Variants in P2RY14 observed in about 807,000 individuals in gnomAD.
P2RY14 encodes the protein purinergic receptor P2Y14, also known as P2Y purinoceptor 14.
In P2RY14, 2 loss-of-function variants were observed where a neutral mutation model predicts 0.9. The ratio of observed to expected loss-of-function variants is 2.16; its 90% CI spans 0.88 to 6.79. P2RY14 has a LOEUF of 6.79. Ranked by LOEUF, P2RY14 falls within the 30% of genes most tolerant of loss-of-function variation. The probability of loss-of-function intolerance (pLI) is 0.05; values close to 1 mark genes in which losing one functional copy is unlikely to be tolerated. For missense variants in P2RY14, 378 were observed against 400.1 expected, an observed-to-expected ratio of 0.94 and a Z score of 0.47; for synonymous variants, 158 against 147.2, an observed-to-expected ratio of 1.07 and a Z score of -0.53.
chr3:151,242,139 G>A (rs937205303), intron 1 of P2RY14, among the ~76,000 whole-genome samples: 4 of 152,250 alleles, frequency 2.6e-5, no homozygotes, highest in Admixed American at 6.5e-5. Flanking sequence ...ATGGAGTCTC[G>A]CTGATTGCTA....
At chr3:151,240,159 T>G (rs1044853402) in intron 1 of P2RY14, among the ~76,000 whole-genome samples, 2 of 152,076 alleles carry the variant, frequency 1.3e-5, no homozygotes, top group African/African-American at 4.8e-5. Flanking sequence ...GTGGCCCCGT[T>G]TTTTAGAGTG....
rs574439787 is a variant in P2RY14 at position 151,247,210 on chromosome 3, C to T, written c.-132-27568G>A. ...CATTGTGGAAGTCAGTGTGGCGATT[C>T]CTCAGGGATCTAGAACTGGAAATAC... is the stretch of plus-strand genomic sequence containing the variant. On this transcript the variant is annotated intron_variant, in intron 1 of 2. Transcript: ENST00000309170. Among the ~76,000 whole-genome samples the T allele has an allele frequency of 3.0e-4, 46 of 152,158 alleles. No homozygotes were observed. In the South Asian group the frequency reaches 6.0e-3, roughly 20 times the overall value.
At chr3:151,227,137 G>A (rs1041603055) in intron 1 of P2RY14, among the ~76,000 whole-genome samples, 1 of 152,242 alleles carries the variant, frequency 6.6e-6, no homozygotes, top group Non-Finnish European at 1.5e-5. Context: ...CCAGGTCAGT[G>A]ACCAACATGT....
At chr3:151,236,677 T>C (rs1316519660) in intron 1 of P2RY14, among the ~76,000 whole-genome samples, 1 of 152,232 alleles carries the variant, frequency 6.6e-6, no homozygotes, top group Non-Finnish European at 1.5e-5. Context: ...TTCCTAAAAG[T>C]GTGTGTGAAT....
intron 1 of P2RY14, among the ~76,000 whole-genome samples, chr3:151,258,471 T>C (rs1738243270): frequency 6.6e-6 from 1 of 152,214 alleles, no homozygotes; most frequent in Non-Finnish European, 1.5e-5. Flanking sequence ...CTGGGTTAAA[T>C]TCCAGGGTAT....
At chr3:151,259,806 T>C (rs2149491284) in intron 1 of P2RY14, among the ~76,000 whole-genome samples, 1 of 152,348 alleles carries the variant, frequency 6.6e-6, no homozygotes, top group Admixed American at 6.5e-5. Flanking sequence ...TTTATAGTTC[T>C]TGCCCCAGTG....
rs143889620 is a variant in P2RY14 at position 151,232,884 on chromosome 3, G to A, written c.-132-13242C>T. 7.4e-4 allele frequency among the ~76,000 whole-genome samples: 112 copies of A among 152,222 alleles called. 1 individual carries two copies. The highest frequency in any genetic ancestry group is 2.5e-3 in the African/African-American group (105 of 41,542). On this transcript the variant is annotated intron_variant, in intron 1 of 2. Transcript: ENST00000309170. ...TCTGCAACAAATCCCTGTGGCATGAGTTTACCTATATAACCTTCAGATGTA... is the reference window on the plus strand; with the variant it reads ...TCTGCAACAAATCCCTGTGGCATGAATTTACCTATATAACCTTCAGATGTA...
At chr3:151,246,887 G>A (rs1021201949) in intron 1 of P2RY14, among the ~76,000 whole-genome samples, 8 of 152,234 alleles carry the variant, frequency 5.3e-5, no homozygotes, top group South Asian at 2.1e-4. Flanking sequence ...AAAGGGTAAT[G>A]TCCAGAATCT....
chr3:151,254,591 T>C (rs13090321), intron 1 of P2RY14, among the ~76,000 whole-genome samples: 34,845 of 152,196 alleles, frequency 0.23, 4,148 homozygotes, highest in South Asian at 0.34. Context: ...TTCTTAGCTA[T>C]ACGTGTATGT....
chr3:151,270,026 A>G (rs1577190100), intron 1 of P2RY14: 1 of 251,708 alleles, frequency 4.0e-6, no homozygotes, highest in South Asian at 4.6e-5. Context: ...TAAATGATGA[A>G]GAAGGATGGG....
chr3:151,263,766 C>G (rs1437974561), intron 1 of P2RY14, among the ~76,000 whole-genome samples: 1 of 152,096 alleles, frequency 6.6e-6, no homozygotes, highest in Non-Finnish European at 1.5e-5. Context: ...CCGTACCACC[C>G]CCCCCACTTA....
chr3:151,225,984 G>A (rs1730417537), intron 1 of P2RY14, among the ~76,000 whole-genome samples: 1 of 152,112 alleles, frequency 6.6e-6, no homozygotes, highest in Non-Finnish European at 1.5e-5. Context: ...CTTTGCCAAG[G>A]CCTTTTGTTC....
chr3:151,273,533 G>T (rs1022100190), intron 1 of P2RY14, among the ~76,000 whole-genome samples: 3 of 151,346 alleles, frequency 2.0e-5, no homozygotes, highest in African/African-American at 7.3e-5. Context: ...GAGCCACTGC[G>T]CCCGGCCTGA....
intron 1 of P2RY14, among the ~76,000 whole-genome samples, chr3:151,255,333 T>A (rs1057401433): frequency 2.0e-5 from 3 of 152,142 alleles, no homozygotes; most frequent in Admixed American, 2.0e-4. Context: ...CTTAAATATC[T>A]ACCTTAGCTT....
intron 1 of P2RY14, among the ~76,000 whole-genome samples, chr3:151,235,722 A>T (rs1424127612): frequency 1.3e-5 from 2 of 151,702 alleles, no homozygotes. Flanking sequence ...TAAATAAATA[A>T]GTAAAAGCAA....
intron 1 of P2RY14, among the ~76,000 whole-genome samples, chr3:151,229,330 T>C (rs11711104): frequency 0.45 from 64,085 of 141,906 alleles, 15,154 homozygotes; most frequent in Middle Eastern, 0.6. Context: ...TTTTTTGAGA[T>C]GGAGTCTTGC....
intron 1 of P2RY14, among the ~76,000 whole-genome samples, chr3:151,260,620 G>T (rs2149494467): frequency 6.6e-6 from 1 of 152,232 alleles, no homozygotes; most frequent in Admixed American, 6.5e-5. Flanking sequence ...CAACATGCTG[G>T]AATTACAGAC....
chr3:151,232,907 G>T (rs372008713), intron 1 of P2RY14, among the ~76,000 whole-genome samples: 5 of 152,290 alleles, frequency 3.3e-5, no homozygotes, highest in African/African-American at 1.2e-4. Context: ...ACCTTCAGAT[G>T]TACCCTTGAA....
intron 2 of P2RY14, among the ~76,000 whole-genome samples, chr3:151,218,070 T>A (rs1559891580): frequency 6.6e-6 from 1 of 152,206 alleles, no homozygotes; most frequent in Non-Finnish European, 1.5e-5. Context: ...TAGTACAGAT[T>A]GAGATGATTT....
Sources: allele counts gnomAD v4.1 joint callset (sites outside exome capture counted in the v4.1 genomes callset), GRCh38; gene constraint gnomAD v4.1.1; transcripts MANE v1.5; gene names NCBI Gene and HGNC (gene_info 2026-07-23, HGNC 2026-07-21).